Variants in PDE10A observed in about 807,000 individuals in gnomAD.
The protein encoded by PDE10A is phosphodiesterase 10A, also known as cAMP and cAMP-inhibited cGMP 3',5'-cyclic phosphodiesterase 10A.
Under a neutral mutation model 97.7 loss-of-function variants are expected in PDE10A, and 39 were observed. That is an observed-to-expected ratio of 0.40 (90% CI 0.31 to 0.52). The LOEUF is 0.52. PDE10A is among the 20% of genes least tolerant of loss of function. The pLI is 0.56. For missense variants in PDE10A, 731 were observed against 1,047.8 expected (o/e 0.70, Z 4.17); for synonymous variants, 371 against 376.8 (o/e 0.98, Z 0.18).
intron 2 of PDE10A, among the ~76,000 whole-genome samples, chr6:165,492,916 T>C (rs1780311002): frequency 6.6e-6 from 1 of 152,114 alleles, no homozygotes; most frequent in Non-Finnish European, 1.5e-5. Context: ...GGTGATGACA[T>C]GATCATATAC....
intron 1 of PDE10A, among the ~76,000 whole-genome samples, chr6:165,797,860 C>T (rs1778870503): frequency 6.6e-6 from 1 of 152,120 alleles, no homozygotes; most frequent in Non-Finnish European, 1.5e-5. Context: ...ACTAAAAGGA[C>T]CATGGCTAGA....
intron 1 of PDE10A, among the ~76,000 whole-genome samples, chr6:165,606,780 C>A (rs1005169096): frequency 9.2e-5 from 14 of 152,044 alleles, no homozygotes; most frequent in Non-Finnish European, 1.5e-4. Flanking sequence ...AAAGCATCTG[C>A]GGCTTGGTGT....
At chr6:165,431,567 A>G in intron 7 of PDE10A, 95 bp from the exon 8 acceptor site, 2 of 365,552 alleles carry the variant, frequency 5.5e-6, no homozygotes, top group South Asian at 6.6e-5. Flanking sequence ...TGTATAATAC[A>G]TAACATATAT....
intron 18 of PDE10A, among the ~76,000 whole-genome samples, chr6:165,373,220 T>C (rs1328885302): frequency 2.7e-5 from 4 of 150,578 alleles, no homozygotes; most frequent in Admixed American, 6.6e-5. Context: ...AAAGACAAAA[T>C]TGACAAATGG....
chr6:165,438,996 A>G (rs1385385939), intron 5 of PDE10A, among the ~76,000 whole-genome samples: 1 of 151,368 alleles, frequency 6.6e-6, no homozygotes, highest in Non-Finnish European at 1.5e-5. Flanking sequence ...TGCATTTCTC[A>G]TTGGTGAAGT....
intron 1 of PDE10A, among the ~76,000 whole-genome samples, chr6:165,629,235 AAC>A (rs1788520661): frequency 6.6e-6 from 1 of 152,326 alleles, no homozygotes; most frequent in East Asian, 1.9e-4. Flanking sequence ...CAAATCAAGT[AAC>A]ACTCATTACG....
chr6:165,346,805 TATA>T (rs1782343121), intron 18 of PDE10A, among the ~76,000 whole-genome samples: 2 of 152,326 alleles, frequency 1.3e-5, no homozygotes, highest in South Asian at 2.1e-4. Flanking sequence ...TCTCTAATTT[TATA>T]ATGATTATTT....
intron 2 of PDE10A, among the ~76,000 whole-genome samples, chr6:165,522,994 C>A (rs1782220683): frequency 6.6e-6 from 1 of 151,198 alleles, no homozygotes; most frequent in Admixed American, 6.6e-5. Context: ...AAACCAAGCG[C>A]CAAATCAAGA....
chr6:165,336,338 G>C (rs1040277450), intron 20 of PDE10A, 127 bp from the exon 21 acceptor site: 1 of 671,130 alleles, frequency 1.5e-6, no homozygotes, highest in African/African-American at 1.8e-5. Context: ...TTCTAGTTTT[G>C]CTGTATGTGA....
At chr6:165,957,177 C>T (rs979008697) in intron 1 of PDE10A, among the ~76,000 whole-genome samples, 2 of 152,172 alleles carry the variant, frequency 1.3e-5, no homozygotes, top group African/African-American at 4.8e-5. Flanking sequence ...AGCCACTTAA[C>T]AGACTCATTC....
At chr6:165,891,893 C>T (rs1376780148) in intron 1 of PDE10A, among the ~76,000 whole-genome samples, 1 of 151,982 alleles carries the variant, frequency 6.6e-6, no homozygotes, top group African/African-American at 2.4e-5. Context: ...TGATCACCCC[C>T]ATAATCACAA....
At chr6:165,680,343 C>T (rs1170813745) in intron 1 of PDE10A, among the ~76,000 whole-genome samples, 1 of 152,214 alleles carries the variant, frequency 6.6e-6, no homozygotes, top group African/African-American at 2.4e-5. Context: ...TCAGCTGTAG[C>T]AACCTCCACG....
At chr6:165,715,679 T>C (rs1170964065) in intron 1 of PDE10A, among the ~76,000 whole-genome samples, 1 of 152,164 alleles carries the variant, frequency 6.6e-6, no homozygotes, top group Non-Finnish European at 1.5e-5. Context: ...GGCTAGTGCA[T>C]GGATAATGGA....
chr6:165,745,973 A>C (rs1231857155), intron 1 of PDE10A, among the ~76,000 whole-genome samples: 3 of 152,210 alleles, frequency 2.0e-5, no homozygotes, highest in African/African-American at 7.2e-5. Context: ...TGGCAGCTAC[A>C]AGGACGTTTG....
intron 2 of PDE10A, among the ~76,000 whole-genome samples, chr6:165,516,010 A>G (rs1275699935): frequency 6.6e-6 from 1 of 152,240 alleles, no homozygotes; most frequent in African/African-American, 2.4e-5. Context: ...AACTGTAAAT[A>G]AGAAATAAAA....
In PDE10A at chr6:165,942,778, C is replaced by T. The variant is rs111300026; in HGVS notation, c.-615+44751G>A. ...TGCTGGTAGGTATTTACGACAAGGC[C>T]CTCCAGGAGGAAAGCCCTGGTTTAT... is the stretch of plus-strand genomic sequence containing the variant. On this transcript the variant is annotated intron_variant, in intron 1 of 19. Coordinates refer to the PDE10A transcript ENST00000366882. Among the ~76,000 whole-genome samples, 67 of 152,204 alleles carry T rather than the reference C, an allele frequency of 4.4e-4. 1 individual carries two copies. Among genetic ancestry groups the T allele is most frequent in the African/African-American group, 1.6e-3 (66 of 41,530 alleles).
At chr6:165,499,296 C>A (rs1221192496) in intron 2 of PDE10A, among the ~76,000 whole-genome samples, 2 of 152,150 alleles carry the variant, frequency 1.3e-5, no homozygotes, top group African/African-American at 4.8e-5. Context: ...CTTACATCTC[C>A]AGAAGGAATG....
intron 1 of PDE10A, among the ~76,000 whole-genome samples, chr6:165,826,389 T>C (rs545008782): frequency 7.6e-6 from 1 of 131,984 alleles, no homozygotes; most frequent in East Asian, 2.1e-4. Context: ...TGTCCTCATG[T>C]CCCTCGTGTC....
chr6:165,619,201 A>AGTCC (rs1562634111), intron 1 of PDE10A, among the ~76,000 whole-genome samples: 1 of 137,844 alleles, frequency 7.3e-6, no homozygotes, highest in Non-Finnish European at 1.5e-5. Flanking sequence ...AGTGTAGTGT[A>AGTCC]ATGTAGTGCA....
Sources: allele counts gnomAD v4.1 joint callset (sites outside exome capture counted in the v4.1 genomes callset), GRCh38; gene constraint gnomAD v4.1.1; transcripts MANE v1.5; gene names NCBI Gene and HGNC (gene_info 2026-07-23, HGNC 2026-07-21).